NASP: variants seen among roughly 807,000 people sequenced by gnomAD.
NASP encodes the protein NASP histone chaperone.
A neutral mutation model predicts 89.5 loss-of-function variants in NASP; 24 were observed. The ratio of observed to expected loss-of-function variants is 0.27; its 90% CI spans 0.19 to 0.38. The LOEUF (loss-of-function observed/expected upper bound fraction) is 0.38, where lower values mean the gene tolerates loss of function less well. Among genes scored for constraint, NASP ranks in the 10% least tolerant of loss-of-function variants. NASP has a pLI of 1.00. For missense variants in NASP, 848 were observed against 921.4 expected (o/e 0.92, Z 1.03); for synonymous variants, 306 against 324.7 (o/e 0.94, Z 0.62).
chr1:45,610,204 A>AG (rs1005013506), intron 6 of NASP: 2 of 152,148 alleles, frequency 1.3e-5, no homozygotes, highest in Admixed American at 6.5e-5. Context: ...GTCTTCCAAA[A>AG]GAAAAAAAAA....
At chr1:45,617,955 G>C in intron 14 of NASP, 106 bp from the exon 15 acceptor site, 2 of 962,614 alleles carry the variant, frequency 2.1e-6, no homozygotes, top group Non-Finnish European at 3.2e-6. Flanking sequence ...GAGCAAAGCA[G>C]AGTTTGGGTG....
chr1:45,589,610 C>T (rs1285576280), intron 1 of NASP, among the ~76,000 whole-genome samples: 1 of 152,074 alleles, frequency 6.6e-6, no homozygotes, highest in Non-Finnish European at 1.5e-5. Context: ...TAAAAAATAA[C>T]TGGATCAGGC....
intron 1 of NASP, 99 bp downstream of exon 1, chr1:45,584,304 C>A: frequency 8.8e-7 from 1 of 1,130,848 alleles, no homozygotes; most frequent in East Asian, 2.6e-5. Context: ...GGCGGGAGTA[C>A]TTGCCTTCCC....
chr1:45,584,068 G>A lies in NASP; in HGVS notation c.-79G>A. 2 of 1,372,762 alleles carry A rather than the reference G, an allele frequency of 1.5e-6. No homozygotes were observed. Among genetic ancestry groups the A allele is most frequent in the Non-Finnish European group, 2.0e-6 (2 of 989,198 alleles). 85.0% of individuals were successfully genotyped at this position (1,372,762 alleles called of 1,614,324 possible). A position where few individuals can be genotyped will look rare whatever the true frequency, so the allele number is the denominator to read the frequency against. On this transcript the variant is annotated 5_prime_UTR_variant, in exon 1 of 15. In the 5' UTR this introduces an upstream ATG that the reference lacks. Coordinates refer to ENST00000350030, the MANE Select transcript of NASP (RefSeq NM_002482.4). Reference sequence around the variant, plus strand: ...CTAATCTGCCATTTTCTGTCCCTGAGTGAGTCTCTGGCGTCCCAAATTGCC... The same window carrying A: ...CTAATCTGCCATTTTCTGTCCCTGAATGAGTCTCTGGCGTCCCAAATTGCC...
chr1:45,614,413 C>A (rs976941617), intron 9 of NASP, 47 bp downstream of exon 9: 1 of 1,408,970 alleles, frequency 7.1e-7, no homozygotes, highest in Non-Finnish European at 1.0e-6. Context: ...TCAGCTCCCT[C>A]GTTCTTCCTC....
chr1:45,600,838 A>G (rs1643823484), intron 2 of NASP, among the ~76,000 whole-genome samples: 1 of 152,184 alleles, frequency 6.6e-6, no homozygotes, highest in Non-Finnish European at 1.5e-5. Context: ...CATCCTCACC[A>G]TCATTTGATA....
rs761712731 is a variant in NASP at position 45,608,059 on chromosome 1, C to T, written c.1148C>T (p.Pro383Leu). The T allele has an allele frequency of 2.5e-5, 40 of 1,613,790 alleles. No individual in the cohort carries two copies. Among genetic ancestry groups the T allele is most frequent in the Middle Eastern group, 1.6e-4 (1 of 6,078 alleles). ...CCTAAGGATGGTGCAGTCAATGGAC[C>T]GTCAGTTGTAGGAGATCAGACTCCT... is the stretch of plus-strand genomic sequence containing the variant. ...VLPKDGAVNG[P>L]SVVGDQTPIE... Residue 383 changes from proline (P) to leucine (L), a missense_variant, in exon 6 of 15, where the codon CCG becomes CTG. By Grantham distance (98) the Pro-to-Leu change is moderately conservative. This residue lies in a region of NASP where 464 missense variants were observed against 469.4 expected (regional missense o/e 0.99). Coordinates refer to ENST00000350030, the MANE Select transcript of NASP (RefSeq NM_002482.4).
Position 45,614,319 on chromosome 1 carries a change from A to T in NASP, c.1619A>T (p.Tyr540Phe). ...KRQETKEAQL[Y>F]AAQAHLKLGE... ...CAAGAAACAAAAGAAGCACAGCTTTATGCTGCCCAGGCACATCTTAAACTC... is the reference window on the plus strand; with the variant it reads ...CAAGAAACAAAAGAAGCACAGCTTTTTGCTGCCCAGGCACATCTTAAACTC... Residue 540 changes from tyrosine (Y) to phenylalanine (F), a missense_variant, in exon 9 of 15, where the codon TAT becomes TTT. Transcript: ENST00000350030. 1 of 1,613,916 alleles carries T rather than the reference A, an allele frequency of 6.2e-7. No individual in the cohort carries two copies. Among genetic ancestry groups the T allele is most frequent in the African/African-American group, 1.3e-5 (1 of 74,974 alleles).
At chr1:45,584,727 C>T (rs973854116) in intron 1 of NASP, among the ~76,000 whole-genome samples, 19 of 152,226 alleles carry the variant, frequency 1.2e-4, no homozygotes, top group South Asian at 6.2e-4. Flanking sequence ...CGTGCGTTCG[C>T]TTCCCTCGCC....
intron 2 of NASP, among the ~76,000 whole-genome samples, chr1:45,593,685 G>A (rs780815179): frequency 1.8e-4 from 27 of 149,850 alleles, no homozygotes; most frequent in Non-Finnish European, 3.1e-4. Context: ...TCTCTTAAAC[G>A]GGAAAAGGGT....
At chr1:45,586,989 C>T (rs1400445407) in intron 1 of NASP, among the ~76,000 whole-genome samples, 4 of 152,112 alleles carry the variant, frequency 2.6e-5, no homozygotes, top group Non-Finnish European at 4.4e-5. Flanking sequence ...TGCATCACCT[C>T]GCCTGGCTTA....
At chr1:45,588,260 C>T (rs1570945919) in intron 1 of NASP, among the ~76,000 whole-genome samples, 1 of 152,174 alleles carries the variant, frequency 6.6e-6, no homozygotes, top group South Asian at 2.1e-4. Flanking sequence ...CCCGCCACCA[C>T]ACCTGGCTAA....
intron 1 of NASP, 93 bp downstream of exon 1, chr1:45,584,298 G>C: frequency 8.2e-7 from 1 of 1,224,202 alleles, no homozygotes; most frequent in Middle Eastern, 2.0e-4. Context: ...CCGGTGGGCG[G>C]GAGTACTTGC....
intron 1 of NASP, among the ~76,000 whole-genome samples, chr1:45,586,651 AG>A: frequency 6.6e-6 from 1 of 152,158 alleles, no homozygotes; most frequent in Non-Finnish European, 1.5e-5. Flanking sequence ...AGAACATGAA[AG>A]CAGTGTGTCT....
chr1:45,613,342 GTGATCA>G, intron 7 of NASP, 94 bp downstream of exon 7: 1 of 1,397,862 alleles, frequency 7.2e-7, no homozygotes, highest in Non-Finnish European at 9.6e-7. Context: ...TTGCAGTGGG[GTGATCA>G]TGATCATGGC....
chr1:45,614,876 C>A (rs1197504130), intron 9 of NASP, 137 bp from the exon 10 acceptor site: 1 of 782,312 alleles, frequency 1.3e-6, no homozygotes, highest in South Asian at 1.9e-5. Flanking sequence ...TTCTTTATAG[C>A]CAAGGGTCCT....
At chr1:45,595,053 G>T (rs1300884359) in intron 2 of NASP, among the ~76,000 whole-genome samples, 1 of 151,860 alleles carries the variant, frequency 6.6e-6, no homozygotes, top group Middle Eastern at 3.4e-3. Context: ...AGTACAGTGG[G>T]TCCTGATCCT....
Position 45,607,769 on chromosome 1 carries a change from A to G in NASP, c.858A>G (p.Leu286=). 6.2e-7 allele frequency: 1 copy of G among 1,614,176 alleles called. No individual in the cohort carries two copies. The highest frequency in any genetic ancestry group is 8.5e-7 in the Non-Finnish European group (1 of 1,180,020). The part of the protein sequence containing the change: ...EVSEEQPVVT[L]EKQGTAVEVE... ...CAGAAGAGCAGCCTGTGGTGACTCT[A>G]GAAAAGCAGGGCACTGCAGTGGAGG... is the stretch of plus-strand genomic sequence containing the variant. The change falls in exon 6 of 15, where the codon CTA becomes CTG. Residue 286 remains leucine (L), a synonymous_variant. Transcript: ENST00000350030.
At chr1:45,593,855 CA>C (rs71056313) in intron 2 of NASP, among the ~76,000 whole-genome samples, 102,092 of 145,424 alleles carry the variant, frequency 0.7, 35,605 homozygotes, top group Non-Finnish European at 0.71. Context: ...GCCATCTGTA[CA>C]AAAAAAAAAA....
Sources: gnomAD v4.1 joint callset for allele counts (sites outside exome capture counted in the v4.1 genomes callset) on GRCh38, gnomAD v4.1.1 for gene constraint, gnomAD v4.1.1 regional missense constraint, MANE v1.5 for transcripts, NCBI Gene and HGNC (gene_info 2026-07-23, HGNC 2026-07-21) for gene names.